The following DCPH1 variants were observed in gnomAD, a reference collection of about 807,000 sequenced individuals.
DCPH1 encodes the protein damage control phosphatase 1, also known as damage-control phosphatase 1.
chr6:151,460,851 C>T, the DCPH1 span, among the ~76,000 whole-genome samples: 3 of 152,080 alleles, frequency 2.0e-5, no homozygotes, highest in Non-Finnish European at 4.4e-5. Context: ...GGCACCCCAG[C>T]AGAACAGCAG....
At chr6:151,456,536 A>G in the DCPH1 span, among the ~76,000 whole-genome samples, 1 of 152,254 alleles carries the variant, frequency 6.6e-6, no homozygotes, top group Non-Finnish European at 1.5e-5. Context: ...TATCACATAA[A>G]CATAATTTTG....
the DCPH1 span, chr6:151,469,185 AT>A: frequency 1.5e-6 from 2 of 1,317,518 alleles, no homozygotes; most frequent in Non-Finnish European, 2.1e-6. Context: ...GAGCACGTGA[AT>A]TGAGTCGCCT....
chr6:151,457,082 G>C, the DCPH1 span, among the ~76,000 whole-genome samples: 1 of 152,080 alleles, frequency 6.6e-6, no homozygotes, highest in Admixed American at 6.5e-5. Context: ...CTCTCCTTGG[G>C]CCTCATGTGT....
chr6:151,458,482 A>T, the DCPH1 span: 5 of 1,613,380 alleles, frequency 3.1e-6, no homozygotes, highest in African/African-American at 1.3e-5. Flanking sequence ...CTTTTAAATG[A>T]AAGTGATGGA....
chr6:151,454,534 T>C, the DCPH1 span: 1 of 1,245,232 alleles, frequency 8.0e-7, no homozygotes, highest in Non-Finnish European at 1.2e-6. Context: ...ATATTGCATG[T>C]GACTCTTTTC....
At chr6:151,452,890 TA>T in the DCPH1 span, 1 of 306,876 alleles carries the variant, frequency 3.3e-6, no homozygotes, top group African/African-American at 2.2e-5. Context: ...TTGGGGGCGT[TA>T]AAATTCTGCG....
the DCPH1 span, among the ~76,000 whole-genome samples, chr6:151,464,776 G>T: frequency 6.6e-6 from 1 of 152,110 alleles, no homozygotes; most frequent in Non-Finnish European, 1.5e-5. Context: ...GCTAGAAATG[G>T]GTTTGAAATA....
the DCPH1 span, among the ~76,000 whole-genome samples, chr6:151,463,642 A>T: frequency 6.6e-6 from 1 of 152,200 alleles, no homozygotes; most frequent in African/African-American, 2.4e-5. Flanking sequence ...TATGTTATTT[A>T]AAAAAACAAA....
chr6:151,452,504 C>T, the DCPH1 span: 1 of 1,607,994 alleles, frequency 6.2e-7, no homozygotes, highest in Non-Finnish European at 8.5e-7. Context: ...GTTTCTGCGG[C>T]GATTGAACAG....
At chr6:151,466,145 C>T in the DCPH1 span, among the ~76,000 whole-genome samples, 2 of 152,228 alleles carry the variant, frequency 1.3e-5, no homozygotes, top group Admixed American at 6.5e-5. Flanking sequence ...TCTTGAACTC[C>T]TGACCTCAGG....
the DCPH1 span, among the ~76,000 whole-genome samples, chr6:151,457,308 A>G: frequency 2.6e-4 from 39 of 152,218 alleles, no homozygotes; most frequent in African/African-American, 8.4e-4. Context: ...GGTTCAGTAA[A>G]TGTTTGAATT....
At chr6:151,458,802 T>A in the DCPH1 span, among the ~76,000 whole-genome samples, 2 of 152,198 alleles carry the variant, frequency 1.3e-5, no homozygotes, top group East Asian at 3.8e-4. Flanking sequence ...TTCTTGGCAA[T>A]TATAATCTAC....
chr6:151,468,737 A>G, the DCPH1 span: 2 of 1,614,212 alleles, frequency 1.2e-6, no homozygotes, highest in Non-Finnish European at 1.7e-6. Flanking sequence ...TGTGGGGCTG[A>G]CTGGGAAGAG....
At chr6:151,463,669 C>T in the DCPH1 span, among the ~76,000 whole-genome samples, 2 of 152,012 alleles carry the variant, frequency 1.3e-5, no homozygotes, top group Admixed American at 6.6e-5. Flanking sequence ...CAAATCAAGC[C>T]GATTACATCA....
the DCPH1 span, among the ~76,000 whole-genome samples, chr6:151,460,877 G>A: frequency 6.6e-6 from 1 of 152,182 alleles, no homozygotes; most frequent in Non-Finnish European, 1.5e-5. Context: ...GTAAGGAGCT[G>A]TCAGTAACTA....
the DCPH1 span, among the ~76,000 whole-genome samples, chr6:151,462,512 A>G: frequency 5.3e-5 from 8 of 152,374 alleles, no homozygotes; most frequent in South Asian, 1.7e-3. Flanking sequence ...ATAATTATAG[A>G]TCATTCATTC....
chr6:151,461,131 G>A, the DCPH1 span, among the ~76,000 whole-genome samples: 1 of 152,358 alleles, frequency 6.6e-6, no homozygotes, highest in African/African-American at 2.4e-5. Context: ...GAAATTCGGG[G>A]TGATGGTTTC....
At chr6:151,459,938 A>T in the DCPH1 span, among the ~76,000 whole-genome samples, 1 of 152,218 alleles carries the variant, frequency 6.6e-6, no homozygotes, top group Non-Finnish European at 1.5e-5. Context: ...GCATAGGACA[A>T]TTTAAAGTGA....
At chr6:151,456,980 G>A in the DCPH1 span, among the ~76,000 whole-genome samples, 4 of 152,294 alleles carry the variant, frequency 2.6e-5, no homozygotes, top group South Asian at 8.3e-4. Flanking sequence ...ACACTCTACT[G>A]AGCACAGAAC....
Sources: gnomAD v4.1 joint callset for allele counts (sites outside exome capture counted in the v4.1 genomes callset) on GRCh38, gnomAD v4.1.1 for gene constraint, MANE v1.5 for transcripts, NCBI Gene and HGNC (gene_info 2026-07-23, HGNC 2026-07-21) for gene names.